HMBOX1: variants seen among roughly 807,000 people sequenced by gnomAD.
HMBOX1 encodes homeobox-containing protein 1.
Under a neutral mutation model 54.5 loss-of-function variants are expected in HMBOX1, and 14 were observed. The observed-to-expected ratio is 0.26, with a 90% CI of 0.17 to 0.40. The LOEUF (loss-of-function observed/expected upper bound fraction) is 0.40, where lower values mean the gene tolerates loss of function less well. HMBOX1 is among the 10% of genes least tolerant of loss of function. HMBOX1 has a pLI of 1.00. For missense variants in HMBOX1, 332 were observed against 514.4 expected, an observed-to-expected ratio of 0.65 and a Z score of 3.43; for synonymous variants, 160 against 181.0, an observed-to-expected ratio of 0.88 and a Z score of 0.93.
intron 6 of HMBOX1, among the ~76,000 whole-genome samples, chr8:29,038,504 G>C (rs1419229467): frequency 6.6e-6 from 1 of 152,286 alleles, no homozygotes; most frequent in East Asian, 1.9e-4. Flanking sequence ...TTCAGAAACA[G>C]GTCCCCTTTA....
chr8:29,043,730 A>G (rs1349749258), intron 6 of HMBOX1, among the ~76,000 whole-genome samples: 1 of 152,192 alleles, frequency 6.6e-6, no homozygotes, highest in Non-Finnish European at 1.5e-5. Context: ...ACTGGCTCCT[A>G]GGTGACAGCC....
chr8:28,969,044 G>C (rs1409717931), intron 2 of HMBOX1, among the ~76,000 whole-genome samples: 1 of 152,054 alleles, frequency 6.6e-6, no homozygotes, highest in African/African-American at 2.4e-5. Flanking sequence ...TTGGTGGCAG[G>C]TGCCTGTAAT....
At chr8:29,009,775 G>A in intron 5 of HMBOX1, 10 of 1,273,992 alleles carry the variant, frequency 7.8e-6, no homozygotes, top group Non-Finnish European at 1.0e-5. Flanking sequence ...AAAAATTTAT[G>A]TCTAGAGTTG....
chr8:28,908,287 G>A (rs1814725844), intron 1 of HMBOX1, among the ~76,000 whole-genome samples: 1 of 152,058 alleles, frequency 6.6e-6, no homozygotes, highest in Non-Finnish European at 1.5e-5. Flanking sequence ...ACCTTTCCTA[G>A]GACCATAATT....
At chr8:29,032,216 C>A (rs1200711696) in intron 6 of HMBOX1, among the ~76,000 whole-genome samples, 1 of 151,332 alleles carries the variant, frequency 6.6e-6, no homozygotes, top group Admixed American at 6.6e-5. Flanking sequence ...CCACTTTTCT[C>A]CCAGATATAA....
At chr8:29,000,301 T>A (rs1228527171) in intron 4 of HMBOX1, among the ~76,000 whole-genome samples, 1 of 152,216 alleles carries the variant, frequency 6.6e-6, no homozygotes, top group African/African-American at 2.4e-5. Context: ...CTCTTTGTAC[T>A]AGGTCTCAAG....
chr8:28,939,829 A>T (rs535495564), intron 1 of HMBOX1, among the ~76,000 whole-genome samples: 5 of 152,104 alleles, frequency 3.3e-5, no homozygotes, highest in African/African-American at 1.2e-4. Context: ...GTTAAAAAAC[A>T]CCAGCCCTAA....
intron 7 of HMBOX1, among the ~76,000 whole-genome samples, chr8:29,046,990 A>T (rs1489685295): frequency 6.6e-6 from 1 of 152,220 alleles, no homozygotes; most frequent in Non-Finnish European, 1.5e-5. Flanking sequence ...TCAAAAAAAT[A>T]AAAAAAGAAT....
chr8:28,961,018 C>T (rs1825501053), intron 1 of HMBOX1, among the ~76,000 whole-genome samples: 1 of 151,736 alleles, frequency 6.6e-6, no homozygotes, highest in South Asian at 2.1e-4. Context: ...ATCTCTTGAC[C>T]TCATGATCTG....
chr8:28,997,213 C>T (rs560221962), intron 4 of HMBOX1, among the ~76,000 whole-genome samples: 19 of 152,092 alleles, frequency 1.2e-4, no homozygotes, highest in Non-Finnish European at 1.9e-4. Flanking sequence ...AGTCTTTCCC[C>T]GTTACGTATG....
At chr8:28,895,495 C>T (rs28639966) in intron 1 of HMBOX1, among the ~76,000 whole-genome samples, 3,787 of 152,102 alleles carry the variant, frequency 0.025, 154 homozygotes, top group African/African-American at 0.087. Flanking sequence ...GCCAACATGG[C>T]GAAACCTTGT....
chr8:29,051,265 G>A lies in HMBOX1; in HGVS notation c.*110G>A. 8.3e-7 allele frequency: 1 copy of A among 1,210,502 alleles called. No homozygotes were observed. The highest frequency in any genetic ancestry group is 1.2e-6 in the Non-Finnish European group (1 of 854,454). The allele number at this position is 1,210,502 out of a possible 1,614,324, so 75.0% of individuals were successfully genotyped here. A position where few individuals can be genotyped will look rare whatever the true frequency, so the allele number is the denominator to read the frequency against. ...CAGTATAACTTGCAGTTTCTTGTAT[G>A]TCAGGTAGCTGTTAGGGTCTTGTTC... On this transcript the variant is annotated 3_prime_UTR_variant, in exon 10 of 10. Transcript: ENST00000287701.
chr8:28,959,407 A>G (rs1413107338), intron 1 of HMBOX1, among the ~76,000 whole-genome samples: 2 of 152,164 alleles, frequency 1.3e-5, no homozygotes, highest in Non-Finnish European at 1.5e-5. Context: ...CTAAGTTACT[A>G]AGAGTGGCTC....
intron 1 of HMBOX1, among the ~76,000 whole-genome samples, chr8:28,924,913 C>CTTT (rs368684931): frequency 3.2e-5 from 4 of 126,376 alleles, no homozygotes; most frequent in Admixed American, 8.0e-5. Flanking sequence ...CGCCCAGCCT[C>CTTT]TTTTTTTTTT....
intron 4 of HMBOX1, among the ~76,000 whole-genome samples, chr8:28,993,045 C>T (rs1196851955): frequency 4.9e-5 from 2 of 40,766 alleles, no homozygotes; most frequent in Non-Finnish European, 1.0e-4. Flanking sequence ...CAAATCAACA[C>T]CTAGTTTTTT....
At chr8:28,910,756 G>A (rs1815263099) in intron 1 of HMBOX1, among the ~76,000 whole-genome samples, 2 of 151,950 alleles carry the variant, frequency 1.3e-5, no homozygotes, top group Non-Finnish European at 2.9e-5. Flanking sequence ...TATGTATTTG[G>A]GATACATGTC....
intron 2 of HMBOX1, 133 bp downstream of exon 2, chr8:28,964,023 A>G (rs1826042195): frequency 1.6e-6 from 1 of 619,386 alleles, no homozygotes; most frequent in Non-Finnish European, 2.9e-6. Flanking sequence ...AATGAATCAA[A>G]TGTTATACCT....
chr8:28,950,105 G>A (rs547346175), intron 1 of HMBOX1, among the ~76,000 whole-genome samples: 20 of 152,232 alleles, frequency 1.3e-4, no homozygotes, highest in Admixed American at 3.9e-4. Context: ...TATTCAGCTC[G>A]GAATGCCAGT....
intron 5 of HMBOX1, among the ~76,000 whole-genome samples, chr8:29,011,803 A>G (rs1033110479): frequency 6.6e-6 from 1 of 152,102 alleles, no homozygotes; most frequent in Admixed American, 6.6e-5. Flanking sequence ...GGGAAATTAG[A>G]GGAAGGTAGA....
Sources: allele counts gnomAD v4.1 joint callset (sites outside exome capture counted in the v4.1 genomes callset), GRCh38; gene constraint gnomAD v4.1.1; transcripts MANE v1.5; gene names NCBI Gene and HGNC (gene_info 2026-07-23, HGNC 2026-07-21).